CEBPG: variants seen among roughly 807,000 people sequenced by gnomAD.
CEBPG encodes the protein CCAAT/enhancer-binding protein gamma.
CEBPG carries 6 observed loss-of-function variants against 11.1 expected under a neutral mutation model. That is an observed-to-expected ratio of 0.54 (90% CI 0.30 to 1.07). The LOEUF (loss-of-function observed/expected upper bound fraction) is 1.07, where lower values mean the gene tolerates loss of function less well. Among genes scored for constraint, CEBPG ranks in the 50% least tolerant of loss-of-function variants. The pLI is 0.07. For missense variants in CEBPG, 161 were observed against 187.4 expected, an observed-to-expected ratio of 0.86 and a Z score of 0.82; for synonymous variants, 66 against 71.0, an observed-to-expected ratio of 0.93 and a Z score of 0.36.
rs1467203076 is a variant in CEBPG, at chr19:33,380,617, T to C, written c.*925T>C. ...TGGAATATTAATTCAGAAGGTAGTT[T>C]CTCTTGTGTTCAAAATAGCTGCCAT... On this transcript the variant is annotated 3_prime_UTR_variant, in exon 2 of 2. Transcript: ENST00000284000. 6.0e-6 allele frequency: 1 copy of C among 167,030 alleles called. No homozygotes were observed. Among genetic ancestry groups the C allele is most frequent in the Non-Finnish European group, 1.5e-5 (1 of 68,124 alleles). 10.3% of individuals were successfully genotyped at this position (167,030 alleles called of 1,614,324 possible).
chr19:33,377,241 C>A (rs1967922393), intron 1 of CEBPG, among the ~76,000 whole-genome samples: 2 of 152,320 alleles, frequency 1.3e-5, no homozygotes, highest in South Asian at 4.1e-4. Flanking sequence ...AAGTGTCTTA[C>A]TATTCCACAT....
chr19:33,374,170 G>C (rs995167727), intron 1 of CEBPG: 11 of 150,076 alleles, frequency 7.3e-5, no homozygotes, highest in African/African-American at 2.7e-4. Context: ...GCTGCCCGGG[G>C]CGCCCCTCGC....
In CEBPG at chr19:33,379,303, C is replaced by T. The variant is rs1967953521; in HGVS notation, c.64C>T (p.Gln22Ter). The T allele has an allele frequency of 6.2e-7, 1 of 1,608,342 alleles. No homozygotes were observed. ...GVNGISVIHT[Q>*]AHASGLQQVP... Reference sequence around the variant, plus strand: ...GAACGGAATTAGTGTTATCCATACCCAGGCACATGCCAGCGGCTTACAGCA... The same window carrying T: ...GAACGGAATTAGTGTTATCCATACCTAGGCACATGCCAGCGGCTTACAGCA... Residue 22 changes from glutamine (Q) to a stop codon, truncating the protein, a stop_gained, in exon 2 of 2, where the codon CAG becomes TAG. Transcript: ENST00000284000. LOFTEE classifies it high-confidence loss of function.
chr19:33,376,985 A>C (rs1967919207), intron 1 of CEBPG, among the ~76,000 whole-genome samples: 1 of 152,074 alleles, frequency 6.6e-6, no homozygotes, highest in Admixed American at 6.5e-5. Flanking sequence ...TCTTTCTTAC[A>C]TTTTCACCAG....
intron 1 of CEBPG, chr19:33,374,372 A>G (rs1967884389): frequency 6.6e-6 from 1 of 152,234 alleles, no homozygotes; most frequent in South Asian, 2.1e-4. Context: ...GCTTGCGGTG[A>G]TCGAAAATCT....
Position 33,379,885 on chromosome 19 carries a change from A to G in CEBPG, c.*193A>G. On this transcript the variant is annotated 3_prime_UTR_variant, in exon 2 of 2. Transcript: ENST00000284000. ...CCTTGTAATTCGAATATCTGGTTTT[A>G]AATGATAGAGGTTTTTGTGGGAATC... The G allele has an allele frequency of 1.9e-6, 1 of 521,380 alleles. No homozygotes were observed. Among genetic ancestry groups the G allele is most frequent in the Non-Finnish European group, 3.4e-6 (1 of 294,188 alleles). 32.3% of individuals were successfully genotyped at this position (521,380 alleles called of 1,614,324 possible).
rs1175757858 is a variant in CEBPG at position 33,379,586 on chromosome 19, G to A, written c.347G>A (p.Ser116Asn). The part of the protein sequence containing the change: ...AKIKLLTKEL[S>N]VLKDLFLEHA... ...ATCAAATTGCTGACCAAGGAATTAA[G>A]TGTACTCAAAGATTTGTTTCTTGAG... Residue 116 changes from serine to asparagine, a missense_variant, in exon 2 of 2, where the codon AGT becomes AAT. By Grantham distance (46) the Ser-to-Asn change is conservative. Transcript: ENST00000284000. The A allele has an allele frequency of 6.2e-6, 10 of 1,613,946 alleles. No homozygotes were observed. The highest frequency in any genetic ancestry group is 5.5e-5 in the South Asian group (5 of 91,070).
At chr19:33,377,564 A>C (rs1358723232) in intron 1 of CEBPG, among the ~76,000 whole-genome samples, 5 of 152,248 alleles carry the variant, frequency 3.3e-5, no homozygotes, top group Admixed American at 2.6e-4. Context: ...CAAATGGATA[A>C]TAATAATGTT....
chr19:33,374,780 G>A (rs540030678), intron 1 of CEBPG, among the ~76,000 whole-genome samples: 3 of 152,310 alleles, frequency 2.0e-5, no homozygotes, highest in African/African-American at 7.2e-5. Flanking sequence ...ATTTAGAAAG[G>A]TCTCAATGTT....
rs1229421829 is a variant in CEBPG, at chr19:33,381,870, A to G, written c.*2178A>G. 1 of 167,142 alleles carries G rather than the reference A, an allele frequency of 6.0e-6. No homozygotes were observed. The highest frequency in any genetic ancestry group is 1.5e-5 in the Non-Finnish European group (1 of 68,144). 10.4% of individuals were successfully genotyped at this position (167,142 alleles called of 1,614,324 possible). A position where few individuals can be genotyped will look rare whatever the true frequency, so the allele number is the denominator to read the frequency against. The stretch of plus-strand genomic sequence containing the variant: ...TAGCCATGGAAATGCAAAGTTTAGC[A>G]GAAGCAAGCAATTAGGCAGAGAACA... On this transcript the variant is annotated 3_prime_UTR_variant, in exon 2 of 2. Coordinates refer to ENST00000284000, the MANE Select transcript of CEBPG (RefSeq NM_001806.4).
chr19:33,374,044 G>A (rs1967879037), intron 1 of CEBPG, 149 bp downstream of exon 1: 2 of 150,198 alleles, frequency 1.3e-5, no homozygotes, highest in African/African-American at 4.9e-5. Context: ...GAGGCTGGAG[G>A]CGCGGGCGGC....
At chr19:33,374,012 C>G (rs3745967) in intron 1 of CEBPG, 117 bp downstream of exon 1, 60,074 of 150,190 alleles carry the variant, frequency 0.4, 13,260 homozygotes, top group African/African-American at 0.6. Flanking sequence ...CCAGACGGCC[C>G]GCTGGCCCGG....
chr19:33,377,216 G>GT (rs1168806229), intron 1 of CEBPG, among the ~76,000 whole-genome samples: 2 of 152,228 alleles, frequency 1.3e-5, no homozygotes, highest in African/African-American at 4.8e-5. Flanking sequence ...AGGTCGTGGT[G>GT]TGTTGTCTGT....
In CEBPG at chr19:33,379,507, A is replaced by G; in HGVS notation, c.268A>G (p.Thr90Ala). ...GAAAAGCAAGCAGAAAGCACAAGACACACTGCAGAGAGTCAATCAGCTCAA... is the reference window on the plus strand; with the variant it reads ...GAAAAGCAAGCAGAAAGCACAAGACGCACTGCAGAGAGTCAATCAGCTCAA... ...RLKSKQKAQDTLQRVNQLKEE... is the reference protein window; with the variant it reads ...RLKSKQKAQDALQRVNQLKEE... Residue 90 changes from threonine (T) to alanine (A), a missense_variant, in exon 2 of 2, where the codon ACA becomes GCA. By Grantham distance (58) the Thr-to-Ala change is moderately conservative. Transcript: ENST00000284000. 2 of 1,614,160 alleles carry G rather than the reference A, an allele frequency of 1.2e-6. No individual in the cohort carries two copies. Among genetic ancestry groups the G allele is most frequent in the Non-Finnish European group, 1.7e-6 (2 of 1,179,998 alleles).
At chr19:33,374,520 A>G (rs1320525260) in intron 1 of CEBPG, 2 of 152,250 alleles carry the variant, frequency 1.3e-5, no homozygotes, top group Non-Finnish European at 1.5e-5. Context: ...GTAGTTTAGA[A>G]GAACACGCAA....
chr19:33,379,419 A>C lies in CEBPG; in HGVS notation c.180A>C (p.Arg60=), dbSNP rs1485299176. The C allele has an allele frequency of 6.2e-7, 1 of 1,614,154 alleles. No homozygotes were observed. Among genetic ancestry groups the C allele is most frequent in the Admixed American group, 1.7e-5 (1 of 60,020 alleles). Residue 60 remains arginine, a synonymous_variant, in exon 2 of 2, where the codon CGA becomes CGC. Coordinates refer to ENST00000284000, the MANE Select transcript of CEBPG (RefSeq NM_001806.4). ...KQSKKSSPMD[R]NSDEYRQRRE... ...GCAAAAAGAGTTCGCCCATGGATCG[A>C]AACAGTGACGAGTATCGGCAACGCC...
chr19:33,377,784 G>A (rs1200749535), intron 1 of CEBPG, among the ~76,000 whole-genome samples: 2 of 152,174 alleles, frequency 1.3e-5, no homozygotes, highest in Admixed American at 1.3e-4. Flanking sequence ...GCTCAGAGTC[G>A]GCTGTGTGGC....
chr19:33,379,694 C>T lies in CEBPG; in HGVS notation c.*2C>T, dbSNP rs754158806. ...GATGGCGACAATGCAGGACAGTAGA[C>T]CTCACCCTTTCCAGACTTTAGAGCT... On this transcript the variant is annotated 3_prime_UTR_variant, in exon 2 of 2. Coordinates refer to ENST00000284000, the MANE Select transcript of CEBPG (RefSeq NM_001806.4). 1.1e-5 allele frequency: 18 copies of T among 1,578,994 alleles called. No homozygotes were observed. The highest frequency in any genetic ancestry group is 2.9e-5 in the African/African-American group (2 of 68,310).
At chr19:33,378,098 T>A (rs930117571) in intron 1 of CEBPG, among the ~76,000 whole-genome samples, 2 of 152,220 alleles carry the variant, frequency 1.3e-5, no homozygotes, top group Non-Finnish European at 2.9e-5. Context: ...CTGAACTTAG[T>A]TTGTCTTGAA....
Sources: gnomAD v4.1 joint callset for allele counts (sites outside exome capture counted in the v4.1 genomes callset) on GRCh38, gnomAD v4.1.1 for gene constraint, MANE v1.5 for transcripts, NCBI Gene and HGNC (gene_info 2026-07-23, HGNC 2026-07-21) for gene names.